Variants in PTPRG observed in about 807,000 individuals in gnomAD.
PTPRG encodes receptor-type tyrosine-protein phosphatase gamma.
Under a neutral mutation model 165.3 loss-of-function variants are expected in PTPRG, and 102 were observed. The ratio of observed to expected loss-of-function variants is 0.62; its 90% confidence interval spans 0.53 to 0.73. The LOEUF is 0.73. Among genes scored for constraint, PTPRG ranks in the 30% least tolerant of loss-of-function variants. The pLI, the probability that PTPRG is intolerant of heterozygous loss-of-function variation, is 0.00. For synonymous variants in PTPRG, 675 were observed against 669.5 expected (o/e 1.01, Z -0.13); for missense variants, 1,866 against 1,861.4 (o/e 1.00, Z -0.05).
chr3:61,779,673 A>C (rs2107071999), intron 2 of PTPRG, among the ~76,000 whole-genome samples: 1 of 152,140 alleles, frequency 6.6e-6, no homozygotes, highest in South Asian at 2.1e-4. Context: ...TTCATATTTT[A>C]GCTCTTGTTT....
chr3:61,791,279 T>C (rs1220219002), intron 2 of PTPRG, among the ~76,000 whole-genome samples: 1 of 152,218 alleles, frequency 6.6e-6, no homozygotes, highest in East Asian at 1.9e-4. Context: ...GTATTGTTTC[T>C]TAGATTTGTC....
intron 2 of PTPRG, among the ~76,000 whole-genome samples, chr3:61,937,523 C>A (rs115502740): frequency 6.6e-6 from 1 of 152,140 alleles, no homozygotes; most frequent in Non-Finnish European, 1.5e-5. Context: ...TAAGGCTGAT[C>A]GTATTTTCAT....
chr3:61,938,288 A>G (rs1463828495), intron 2 of PTPRG, among the ~76,000 whole-genome samples: 2 of 148,416 alleles, frequency 1.3e-5, no homozygotes, highest in Non-Finnish European at 3.0e-5. Flanking sequence ...GGATAACCAC[A>G]TGATACGGGT....
At chr3:61,997,489 C>T (rs183146905) in intron 3 of PTPRG, among the ~76,000 whole-genome samples, 5 of 152,254 alleles carry the variant, frequency 3.3e-5, no homozygotes, top group Admixed American at 6.5e-5. Flanking sequence ...TACCACAGGG[C>T]CATTGATTCT....
intron 6 of PTPRG, among the ~76,000 whole-genome samples, chr3:62,144,280 T>C (rs1473456721): frequency 6.6e-6 from 1 of 152,224 alleles, no homozygotes; most frequent in Non-Finnish European, 1.5e-5. Context: ...TTGTTTATGT[T>C]GGGGCAATGT....
At chr3:62,012,485 G>T (rs1241378907) in intron 4 of PTPRG, among the ~76,000 whole-genome samples, 1 of 151,898 alleles carries the variant, frequency 6.6e-6, no homozygotes, top group Non-Finnish European at 1.5e-5. Flanking sequence ...TTTTTTATTT[G>T]GGAACATTTA....
intron 12 of PTPRG, among the ~76,000 whole-genome samples, chr3:62,212,906 A>G (rs1033660029): frequency 6.6e-6 from 1 of 152,238 alleles, no homozygotes; most frequent in Non-Finnish European, 1.5e-5. Flanking sequence ...TTGCCAGTTC[A>G]TAACCCAAGT....
chr3:62,269,419 C>A (rs893397236), intron 20 of PTPRG, among the ~76,000 whole-genome samples: 3 of 152,136 alleles, frequency 2.0e-5, no homozygotes, highest in Non-Finnish European at 2.9e-5. Context: ...TTTAAAAAAT[C>A]ATCCTCTTAG....
intron 2 of PTPRG, among the ~76,000 whole-genome samples, chr3:61,945,661 A>G (rs759468922): frequency 2.0e-5 from 3 of 152,026 alleles, no homozygotes; most frequent in Non-Finnish European, 4.4e-5. Context: ...ATACATCTAC[A>G]AATTTTTCTG....
Position 62,213,766 on chromosome 3 carries a change from A to C in PTPRG, c.2156-5085A>C, listed in dbSNP as rs1345001953. Among the ~76,000 whole-genome samples, 1 of 152,144 alleles carries C rather than the reference A, an allele frequency of 6.6e-6. No individual in the cohort carries two copies. The highest frequency in any genetic ancestry group is 6.5e-5 in the Admixed American group (1 of 15,278). ...TAGCCTCATGGATTGTCGGTGTCTG[A>C]GGGCATATAATGATATGGGTGTATA... On this transcript the variant is annotated intron_variant, in intron 12 of 29. Coordinates refer to ENST00000474889, the MANE Select transcript of PTPRG (RefSeq NM_002841.4). This position sits in a 1 kb window ranked among gnomAD's most constrained non-coding sequence, Gnocchi z 4.4.
intron 7 of PTPRG, among the ~76,000 whole-genome samples, chr3:62,157,485 TGAG>T (rs1251590816): frequency 6.6e-6 from 1 of 152,244 alleles, no homozygotes; most frequent in Non-Finnish European, 1.5e-5. Context: ...TATTCAATCT[TGAG>T]GAGGTAATAA....
chr3:61,757,955 T>C (rs1444603085), intron 2 of PTPRG, among the ~76,000 whole-genome samples: 1 of 152,258 alleles, frequency 6.6e-6, no homozygotes, highest in Non-Finnish European at 1.5e-5. Flanking sequence ...GTGATTTGCA[T>C]GTGCTCTGTG....
intron 1 of PTPRG, among the ~76,000 whole-genome samples, chr3:61,696,080 T>C (rs1441586667): frequency 1.3e-5 from 2 of 152,190 alleles, no homozygotes; most frequent in Non-Finnish European, 2.9e-5. Context: ...TTTGAGGGTG[T>C]TGTTATGAGA....
intron 2 of PTPRG, among the ~76,000 whole-genome samples, chr3:61,916,286 C>G (rs1257916992): frequency 6.6e-6 from 1 of 152,100 alleles, no homozygotes; most frequent in Non-Finnish European, 1.5e-5. Context: ...TAGAGCTACA[C>G]TATTTAATGA....
intron 5 of PTPRG, among the ~76,000 whole-genome samples, chr3:62,110,480 T>A (rs1702630705): frequency 6.6e-6 from 1 of 151,660 alleles, no homozygotes; most frequent in Admixed American, 6.6e-5. Context: ...AAGGCATTTA[T>A]CCACTCAGTA....
At chr3:61,712,582 G>C (rs965151491) in intron 1 of PTPRG, among the ~76,000 whole-genome samples, 1 of 152,088 alleles carries the variant, frequency 6.6e-6, no homozygotes, top group African/African-American at 2.4e-5. Flanking sequence ...AGCTTCCCCT[G>C]TGCTCTCTCT....
intron 2 of PTPRG, among the ~76,000 whole-genome samples, chr3:61,833,996 A>T (rs2036387105): frequency 6.6e-6 from 1 of 152,204 alleles, no homozygotes; most frequent in South Asian, 2.1e-4. Context: ...TAGTCACAGC[A>T]CAGTAACTTA....
At chr3:61,876,392 C>G (rs1320698438) in intron 2 of PTPRG, among the ~76,000 whole-genome samples, 2 of 152,110 alleles carry the variant, frequency 1.3e-5, no homozygotes, top group East Asian at 1.9e-4. Flanking sequence ...TAAGATTTTT[C>G]ATTCAGTTGA....
chr3:61,971,476 G>A (rs896405518), intron 2 of PTPRG, among the ~76,000 whole-genome samples: 9 of 152,088 alleles, frequency 5.9e-5, no homozygotes, highest in Non-Finnish European at 8.8e-5. Context: ...TTAAAGGGCC[G>A]GAATCAAATT....
Sources: gnomAD v4.1 joint callset for allele counts (sites outside exome capture counted in the v4.1 genomes callset) on GRCh38, gnomAD v4.1.1 for gene constraint, Gnocchi (gnomAD v3.1) non-coding constraint, MANE v1.5 for transcripts, NCBI Gene and HGNC (gene_info 2026-07-23, HGNC 2026-07-21) for gene names.